Variants in LUZP2 observed in about 807,000 individuals in gnomAD.
LUZP2 encodes leucine zipper protein 2.
A neutral mutation model predicts 51.6 loss-of-function variants in LUZP2; 52 were observed. The observed-to-expected ratio is 1.01, with a 90% CI of 0.81 to 1.27. The LOEUF (loss-of-function observed/expected upper bound fraction) is 1.27. Ranked by LOEUF, LUZP2 falls within the 50% of genes most tolerant of loss-of-function variation. The probability of loss-of-function intolerance (pLI) is 0.00; values close to 1 mark genes in which losing one functional copy is unlikely to be tolerated. For synonymous variants in LUZP2, 154 were observed against 137.3 expected (o/e 1.12, Z -0.85); for missense variants, 436 against 395.4 (o/e 1.10, Z -0.87).
chr11:25,060,519 T>C (rs1858806103), intron 10 of LUZP2, among the ~76,000 whole-genome samples: 1 of 152,244 alleles, frequency 6.6e-6, no homozygotes, highest in Non-Finnish European at 1.5e-5. Context: ...AGCAAAATTC[T>C]AACCTAAGAT....
chr11:24,669,831 G>A (rs984783991), intron 1 of LUZP2, among the ~76,000 whole-genome samples: 17 of 151,966 alleles, frequency 1.1e-4, no homozygotes, highest in Admixed American at 1.1e-3. Context: ...AAAAAATCCT[G>A]TCCTGAAGCA....
chr11:24,924,345 T>C (rs907811708), intron 7 of LUZP2, among the ~76,000 whole-genome samples: 1 of 151,930 alleles, frequency 6.6e-6, no homozygotes, highest in African/African-American at 2.4e-5. Context: ...CCCAAATTGC[T>C]GGGATTACAG....
At chr11:24,529,046 G>A (rs962129485) in intron 1 of LUZP2, among the ~76,000 whole-genome samples, 5 of 150,830 alleles carry the variant, frequency 3.3e-5, no homozygotes, top group East Asian at 1.9e-4. Flanking sequence ...CTTCAAACTC[G>A]CAGTGCAAAT....
At chr11:24,774,332 TTCTCTCTCTC>T (rs374302170) in intron 5 of LUZP2, among the ~76,000 whole-genome samples, 8 of 41,926 alleles carry the variant, frequency 1.9e-4, no homozygotes, top group Non-Finnish European at 3.1e-4. Flanking sequence ...CTTAGTAAAC[TTCTCTCTCTC>T]TCTCTCTCTC....
In LUZP2 at chr11:24,919,740, A is replaced by G. The variant is rs547902736; in HGVS notation, c.522+5202A>G. Among the ~76,000 whole-genome samples the G allele has an allele frequency of 3.1e-3, 469 of 150,374 alleles. 4 individuals are homozygous for G. The highest frequency in any genetic ancestry group is 9.9e-3 in the Middle Eastern group (2 of 202). ...ATTTTTAACTTGAGTTATAGTTTTT[A>G]TGAAACATTTATCTAACTATCAAGT... is the stretch of plus-strand genomic sequence containing the variant. On this transcript the variant is annotated intron_variant, in intron 7 of 11. Transcript: ENST00000336930.
intron 3 of LUZP2, among the ~76,000 whole-genome samples, chr11:24,732,483 A>G (rs1858749166): frequency 6.6e-6 from 1 of 151,634 alleles, no homozygotes; most frequent in South Asian, 2.1e-4. Context: ...AGTTAGTAAG[A>G]TGGACCCAGG....
intron 7 of LUZP2, among the ~76,000 whole-genome samples, chr11:24,930,285 G>C (rs540061573): frequency 6.6e-6 from 1 of 152,192 alleles, no homozygotes; most frequent in Non-Finnish European, 1.5e-5. Context: ...TTTGTTGCCT[G>C]AATACGTTTT....
chr11:24,663,066 A>G (rs1856074999), intron 1 of LUZP2, among the ~76,000 whole-genome samples: 1 of 152,084 alleles, frequency 6.6e-6, no homozygotes, highest in Non-Finnish European at 1.5e-5. Context: ...CACTTTTAAC[A>G]TTTTGATGTA....
intron 7 of LUZP2, among the ~76,000 whole-genome samples, chr11:24,942,875 A>AT (rs1854793501): frequency 6.6e-6 from 1 of 152,068 alleles, no homozygotes; most frequent in South Asian, 2.1e-4. Context: ...TACATCTATG[A>AT]TTTACCTGAA....
chr11:24,926,613 G>GTA (rs750907327), intron 7 of LUZP2, among the ~76,000 whole-genome samples: 39 of 144,116 alleles, frequency 2.7e-4, no homozygotes, highest in East Asian at 4.1e-4. Flanking sequence ...GTGTATATAT[G>GTA]TATATATATA....
intron 5 of LUZP2, among the ~76,000 whole-genome samples, chr11:24,839,118 T>A (rs926792396): frequency 6.6e-6 from 1 of 151,692 alleles, no homozygotes; most frequent in Non-Finnish European, 1.5e-5. Context: ...TTTCCCAAAA[T>A]TACAATATCT....
In LUZP2 at chr11:24,554,806, C is replaced by G. The variant is rs563542559; in HGVS notation, c.62+57501C>G. 2.9e-4 allele frequency among the ~76,000 whole-genome samples: 41 copies of G among 142,824 alleles called. 1 individual carries two copies. In the South Asian group the frequency reaches 8.0e-3, roughly 28 times the overall value. 93.7% of individuals were successfully genotyped at this position (142,824 alleles called of 152,430 possible). Reference sequence around the variant, plus strand: ...CTAAAGTTATCCCTAAAGTTTATTTCATTCAAGTCCGGTAATGATGGTGTA... The same window carrying G: ...CTAAAGTTATCCCTAAAGTTTATTTGATTCAAGTCCGGTAATGATGGTGTA... On this transcript the variant is annotated intron_variant, in intron 1 of 11. Coordinates refer to ENST00000336930, the MANE Select transcript of LUZP2 (RefSeq NM_001009909.4).
At chr11:25,074,681 A>G (rs1859248716) in intron 10 of LUZP2, among the ~76,000 whole-genome samples, 1 of 152,154 alleles carries the variant, frequency 6.6e-6, no homozygotes. Context: ...GAGATTTATA[A>G]CATATTGTGC....
chr11:24,498,481 C>T (rs919134729), intron 1 of LUZP2, among the ~76,000 whole-genome samples: 2 of 152,130 alleles, frequency 1.3e-5, no homozygotes, highest in Non-Finnish European at 2.9e-5. Context: ...TTCATTTACC[C>T]TCAATAATTG....
At chr11:24,526,191 T>TGC (rs1850795625) in intron 1 of LUZP2, among the ~76,000 whole-genome samples, 1 of 150,936 alleles carries the variant, frequency 6.6e-6, no homozygotes, top group Non-Finnish European at 1.5e-5. Context: ...AGTGCTCCAC[T>TGC]ATCTGCAGGG....
At chr11:25,066,413 T>G (rs1486811802) in intron 10 of LUZP2, among the ~76,000 whole-genome samples, 1 of 151,920 alleles carries the variant, frequency 6.6e-6, no homozygotes, top group African/African-American at 2.4e-5. Flanking sequence ...AAAATAATGT[T>G]TTGTGATCAT....
chr11:24,768,133 A>T (rs934782977), intron 5 of LUZP2, among the ~76,000 whole-genome samples: 4 of 150,466 alleles, frequency 2.7e-5, no homozygotes, highest in East Asian at 2.0e-4. Flanking sequence ...ATTAGTTGAA[A>T]TTTTTTTTTT....
At chr11:24,512,799 G>C (rs1398515455) in intron 1 of LUZP2, among the ~76,000 whole-genome samples, 1 of 151,146 alleles carries the variant, frequency 6.6e-6, no homozygotes, top group African/African-American at 2.4e-5. Flanking sequence ...GCCCAGGCTG[G>C]AGTGCAGTGG....
chr11:24,717,102 T>C (rs1858076451), intron 1 of LUZP2, among the ~76,000 whole-genome samples: 1 of 151,962 alleles, frequency 6.6e-6, no homozygotes, highest in Non-Finnish European at 1.5e-5. Context: ...TAGGAGGAGA[T>C]TTCATGGAAG....
Sources: allele counts gnomAD v4.1 joint callset (sites outside exome capture counted in the v4.1 genomes callset), GRCh38; gene constraint gnomAD v4.1.1; transcripts MANE v1.5; gene names NCBI Gene and HGNC (gene_info 2026-07-23, HGNC 2026-07-21).